The following KCNU1 variants were observed in gnomAD, a reference collection of about 807,000 sequenced individuals.
KCNU1 encodes the protein potassium calcium-activated channel subfamily U member 1.
KCNU1 carries 93 observed loss-of-function variants against 126.8 expected under a neutral mutation model. The ratio of observed to expected loss-of-function variants is 0.73; its 90% CI spans 0.62 to 0.87. The LOEUF (loss-of-function observed/expected upper bound fraction) is 0.87. Ranked by LOEUF, KCNU1 falls within the 40% of genes least tolerant of loss-of-function variation. The probability of loss-of-function intolerance (pLI) is 0.00; values close to 1 mark genes in which losing one functional copy is unlikely to be tolerated. For synonymous variants in KCNU1, 523 were observed against 494.2 expected (o/e 1.06, Z -0.77); for missense variants, 1,330 against 1,367.1 (o/e 0.97, Z 0.43).
intron 11 of KCNU1, among the ~76,000 whole-genome samples, chr8:36,834,133 T>C (rs1286365404): frequency 6.6e-6 from 1 of 152,126 alleles, no homozygotes; most frequent in Non-Finnish European, 1.5e-5. Context: ...CGCAAAATAA[T>C]GAGCAACAGC....
intron 19 of KCNU1, among the ~76,000 whole-genome samples, chr8:36,872,663 A>T (rs149496327): frequency 6.6e-6 from 1 of 152,346 alleles, no homozygotes; most frequent in East Asian, 1.9e-4. Context: ...GCTAGCAATT[A>T]TCACTACACA....
intron 19 of KCNU1, among the ~76,000 whole-genome samples, chr8:36,897,321 CTCTG>C (rs576978820): frequency 1.5e-4 from 23 of 151,910 alleles, no homozygotes; most frequent in South Asian, 4.2e-4. Flanking sequence ...CTCTCTTTTT[CTCTG>C]TCTATCTTTT....
chr8:36,891,824 T>C (rs939158743), intron 19 of KCNU1, among the ~76,000 whole-genome samples: 3 of 152,104 alleles, frequency 2.0e-5, no homozygotes, highest in Non-Finnish European at 1.5e-5. Context: ...AGAAATTAGC[T>C]GTTAATCTTA....
At chr8:36,884,571 A>G (rs975076618) in intron 19 of KCNU1, among the ~76,000 whole-genome samples, 6 of 151,970 alleles carry the variant, frequency 3.9e-5, no homozygotes, top group Admixed American at 3.9e-4. Context: ...CCATGTCTCT[A>G]CTAAAAGTAC....
At chr8:36,836,451 T>C in intron 13 of KCNU1, 86 bp downstream of exon 13, 1 of 948,684 alleles carries the variant, frequency 1.1e-6, no homozygotes, top group African/African-American at 1.6e-5. Context: ...GATGTGTAAA[T>C]AAAAAGTTTT....
rs371205700 is a variant in KCNU1, at chr8:36,935,806, A to C, written c.3336A>C (p.Thr1112=). The C allele has an allele frequency of 6.2e-7, 1 of 1,613,260 alleles. No individual in the cohort carries two copies. Among genetic ancestry groups the C allele is most frequent in the Non-Finnish European group, 8.5e-7 (1 of 1,179,468 alleles). The part of the protein sequence containing the change: ...PKQIAWNQSR[T]NSIISSQIPL... Reference sequence around the variant, plus strand: ...AAATAGCATGGAATCAGAGTAGAACAAACAGTATTATATCATCTCAGATAC... The same window carrying C: ...AAATAGCATGGAATCAGAGTAGAACCAACAGTATTATATCATCTCAGATAC... The change falls in exon 27 of 27, where the codon ACA becomes ACC. Residue 1112 remains threonine, a synonymous_variant. Transcript: ENST00000399881.
At position 36,931,418 on chromosome 8, in the gene KCNU1, A is replaced by G. The variant is rs144216098; in HGVS notation, c.2931+273A>G. On this transcript the variant is annotated intron_variant, in intron 25 of 26. Coordinates refer to ENST00000399881, the MANE Select transcript of KCNU1 (RefSeq NM_001031836.3). ...TTCTAGATAAATAACCTGAATCTAC[A>G]GGGAGCATCGGAGAGGCCTGGCAAC... Among the ~76,000 whole-genome samples, 68 of 152,278 alleles carry G rather than the reference A, an allele frequency of 4.5e-4. 1 individual carries two copies. The East Asian group carries it at 0.012, about 28-fold the overall frequency.
intron 19 of KCNU1, among the ~76,000 whole-genome samples, chr8:36,886,011 C>G (rs181674221): frequency 6.6e-6 from 1 of 152,142 alleles, no homozygotes; most frequent in Non-Finnish European, 1.5e-5. Flanking sequence ...CACGAAAAAT[C>G]TGAGACTTCA....
At chr8:36,930,743 T>C (rs1029999735) in intron 24 of KCNU1, among the ~76,000 whole-genome samples, 10 of 152,134 alleles carry the variant, frequency 6.6e-5, no homozygotes, top group African/African-American at 2.4e-4. Flanking sequence ...ACTGGGTCAG[T>C]ATTGTTTTCT....
At chr8:36,889,730 C>T (rs1806880401) in intron 19 of KCNU1, among the ~76,000 whole-genome samples, 2 of 151,938 alleles carry the variant, frequency 1.3e-5, no homozygotes. Context: ...GTAGCTGAGA[C>T]CTTTCTAAAA....
At chr8:36,883,430 C>G (rs1386788226) in intron 19 of KCNU1, among the ~76,000 whole-genome samples, 1 of 152,162 alleles carries the variant, frequency 6.6e-6, no homozygotes, top group Non-Finnish European at 1.5e-5. Context: ...GCTGTCATAT[C>G]TAGAAACAAC....
At chr8:36,843,542 A>G (rs1402445377) in intron 16 of KCNU1, among the ~76,000 whole-genome samples, 1 of 152,152 alleles carries the variant, frequency 6.6e-6, no homozygotes, top group African/African-American at 2.4e-5. Flanking sequence ...TGATTTTCCC[A>G]ACCTCACACA....
rs374307733 is a variant in KCNU1 at position 36,882,792 on chromosome 8, A to G, written c.2009+18271A>G. ...GAGATGGGGTTTCTCCATGTTGGTC[A>G]GGCTGGTCTCGAACTCCTGACCTCA... On this transcript the variant is annotated intron_variant, in intron 19 of 26. Coordinates refer to ENST00000399881, the MANE Select transcript of KCNU1 (RefSeq NM_001031836.3). Among the ~76,000 whole-genome samples, 2 of 152,298 alleles carry G rather than the reference A, an allele frequency of 1.3e-5. 1 individual carries two copies. Among genetic ancestry groups the G allele is most frequent in the African/African-American group, 4.8e-5 (2 of 41,548 alleles).
At chr8:36,801,193 C>A (rs541231251) in intron 2 of KCNU1, among the ~76,000 whole-genome samples, 3 of 152,236 alleles carry the variant, frequency 2.0e-5, no homozygotes, top group African/African-American at 7.2e-5. Context: ...AAACATAGAA[C>A]CAGATGCCTG....
chr8:36,838,166 G>A (rs1804822884), intron 14 of KCNU1, among the ~76,000 whole-genome samples: 1 of 152,162 alleles, frequency 6.6e-6, no homozygotes, highest in Admixed American at 6.5e-5. Flanking sequence ...TTCATGTAGT[G>A]GTCACTGTAT....
chr8:36,895,034 G>C (rs1807128988), intron 19 of KCNU1, among the ~76,000 whole-genome samples: 1 of 151,640 alleles, frequency 6.6e-6, no homozygotes, highest in Non-Finnish European at 1.5e-5. Context: ...TGAATATCCT[G>C]ACTTACCCTA....
At chr8:36,810,975 G>A (rs181864688) in intron 7 of KCNU1, among the ~76,000 whole-genome samples, 204 of 152,292 alleles carry the variant, frequency 1.3e-3, no homozygotes, top group Admixed American at 5.1e-3. Flanking sequence ...GTAATTGAAA[G>A]TGGGCCAAAA....
chr8:36,825,604 G>A (rs985103019), intron 10 of KCNU1, among the ~76,000 whole-genome samples: 3 of 152,158 alleles, frequency 2.0e-5, no homozygotes, highest in Admixed American at 2.0e-4. Flanking sequence ...GAAACATGGT[G>A]CAGTGGAGAA....
At chr8:36,923,068 C>G (rs553535830) in intron 24 of KCNU1, 70 of 456,858 alleles carry the variant, frequency 1.5e-4, no homozygotes, top group Non-Finnish European at 2.9e-4. Context: ...AGAGCTAAGT[C>G]AAATCTCCCT....
Sources: allele counts gnomAD v4.1 joint callset (sites outside exome capture counted in the v4.1 genomes callset), GRCh38; gene constraint gnomAD v4.1.1; transcripts MANE v1.5; gene names NCBI Gene and HGNC (gene_info 2026-07-23, HGNC 2026-07-21).